PCDH15: variants seen among roughly 807,000 people sequenced by gnomAD.
The protein encoded by PCDH15 is protocadherin related 15, also known as protocadherin-15.
Under a neutral mutation model 178.5 loss-of-function variants are expected in PCDH15, and 129 were observed. That is an observed-to-expected ratio of 0.72 (90% confidence interval 0.63 to 0.84). PCDH15 has a LOEUF of 0.84. Ranked by LOEUF, PCDH15 falls within the 40% of genes least tolerant of loss-of-function variation. PCDH15 has a pLI of 0.00. For synonymous variants in PCDH15, 800 were observed against 732.0 expected (o/e 1.09, Z -1.50); for missense variants, 2,230 against 2,099.9 (o/e 1.06, Z -1.21).
At chr10:55,603,108 C>G (rs1313562691) in intron 2 of PCDH15, among the ~76,000 whole-genome samples, 1 of 151,536 alleles carries the variant, frequency 6.6e-6, no homozygotes, top group African/African-American at 2.4e-5. Context: ...CCTCAGGAGC[C>G]GAAGCAATCA....
At chr10:54,670,899 A>G (rs2094653175) in intron 1 of PCDH15, among the ~76,000 whole-genome samples, 1 of 152,134 alleles carries the variant, frequency 6.6e-6, no homozygotes, top group Non-Finnish European at 1.5e-5. Context: ...ATACATTTCA[A>G]GGTACTTTAG....
intron 18 of PCDH15, among the ~76,000 whole-genome samples, chr10:54,024,919 C>G (rs1338361197): frequency 6.6e-6 from 1 of 151,882 alleles, no homozygotes; most frequent in African/African-American, 2.4e-5. Context: ...AATTGTAAGC[C>G]AAGAACAAAA....
upstream of PCDH15, among the ~76,000 whole-genome samples, chr10:55,324,518 G>A (rs115233115): frequency 8.0e-3 from 1,221 of 151,968 alleles, 20 homozygotes; most frequent in African/African-American, 0.027. Context: ...AACGGTAAAG[G>A]CAAGAACTAA....
At chr10:55,176,068 C>T (rs539601566) in intron 1 of PCDH15, among the ~76,000 whole-genome samples, 24 of 152,100 alleles carry the variant, frequency 1.6e-4, no homozygotes, top group African/African-American at 4.6e-4. Context: ...CCAGCTCCGA[C>T]GACTCAGACC....
intron 3 of PCDH15, among the ~76,000 whole-genome samples, chr10:54,392,070 A>G (rs530270226): frequency 2.0e-5 from 3 of 152,298 alleles, no homozygotes; most frequent in South Asian, 4.1e-4. Flanking sequence ...ATCAACTTTT[A>G]GTTATATAAT....
chr10:55,376,718 T>C (rs537806653), intron 2 of PCDH15, among the ~76,000 whole-genome samples: 1 of 152,222 alleles, frequency 6.6e-6, no homozygotes, highest in South Asian at 2.1e-4. Flanking sequence ...TTTACTGTTG[T>C]TCTTGGAGAG....
intron 2 of PCDH15, among the ~76,000 whole-genome samples, chr10:55,447,680 A>G (rs552840208): frequency 6.6e-6 from 1 of 152,224 alleles, no homozygotes; most frequent in Admixed American, 6.6e-5. Context: ...TCAGGACTTA[A>G]AAAATAGTTG....
intron 25 of PCDH15, among the ~76,000 whole-genome samples, chr10:53,927,251 A>T (rs560038462): frequency 6.6e-6 from 1 of 152,254 alleles, no homozygotes; most frequent in East Asian, 1.9e-4. Flanking sequence ...AATGTTGTCA[A>T]AGATAATAAG....
intron 26 of PCDH15, 81 bp downstream of exon 26, chr10:53,903,162 A>T: frequency 6.6e-7 from 1 of 1,512,408 alleles, no homozygotes; most frequent in Non-Finnish European, 9.1e-7. Context: ...GTATGCAGTT[A>T]ATGCAAACTA....
intron 3 of PCDH15, among the ~76,000 whole-genome samples, chr10:54,502,693 T>C (rs1678040545): frequency 6.6e-6 from 1 of 152,112 alleles, no homozygotes; most frequent in African/African-American, 2.4e-5. Context: ...ATAGGTATTA[T>C]TTCCTCAATT....
chr10:54,459,239 C>A (rs528526610), intron 3 of PCDH15, among the ~76,000 whole-genome samples: 2 of 152,036 alleles, frequency 1.3e-5, no homozygotes, highest in African/African-American at 2.4e-5. Context: ...TGGACACCTG[C>A]GACAGGAACA....
At chr10:55,257,811 C>A (rs1323339122) in intron 1 of PCDH15, among the ~76,000 whole-genome samples, 4 of 152,038 alleles carry the variant, frequency 2.6e-5, no homozygotes, top group Non-Finnish European at 5.9e-5. Context: ...AGGATATTAT[C>A]CAGGAGAACT....
chr10:55,425,544 A>G (rs936881296), intron 2 of PCDH15, among the ~76,000 whole-genome samples: 60 of 152,198 alleles, frequency 3.9e-4, no homozygotes, highest in African/African-American at 1.4e-3. Flanking sequence ...AATTTTCCAC[A>G]AATTCTCAAG....
At chr10:55,178,629 G>T (rs879337878) in intron 1 of PCDH15, among the ~76,000 whole-genome samples, 16 of 152,138 alleles carry the variant, frequency 1.1e-4, no homozygotes, top group Non-Finnish European at 2.2e-4. Context: ...TTATACTAGA[G>T]TAAAGGCCTG....
chr10:54,301,833 C>A (rs1046669156), intron 8 of PCDH15, among the ~76,000 whole-genome samples: 3 of 152,130 alleles, frequency 2.0e-5, no homozygotes, highest in Non-Finnish European at 1.5e-5. Context: ...ACATGTAACA[C>A]TTCATAGCAC....
At chr10:54,055,110 A>AT (rs1031177258) in intron 18 of PCDH15, among the ~76,000 whole-genome samples, 1 of 152,082 alleles carries the variant, frequency 6.6e-6, no homozygotes, top group South Asian at 2.1e-4. Context: ...AGGAAACATC[A>AT]TTTTTTTAAT....
At position 54,960,024 on chromosome 10, in the gene PCDH15, T is replaced by G. The variant is rs536125457; in HGVS notation, c.-79-62524A>C. ...TGGTCTTTGAAAATTTGTAGTTTACTTCTTTTGACTCAAATTTGAAGCGTC... is the reference window on the plus strand; with the variant it reads ...TGGTCTTTGAAAATTTGTAGTTTACGTCTTTTGACTCAAATTTGAAGCGTC... On this transcript the variant is annotated intron_variant, in intron 2 of 5. Coordinates refer to the PCDH15 transcript ENST00000458638. Among the ~76,000 whole-genome samples, 78 of 152,162 alleles carry G rather than the reference T, an allele frequency of 5.1e-4. 1 individual carries two copies. The highest frequency in any genetic ancestry group is 6.2e-4 in the Non-Finnish European group (42 of 67,978).
At chr10:54,174,476 A>G (rs1009001558) in intron 13 of PCDH15, among the ~76,000 whole-genome samples, 1 of 152,048 alleles carries the variant, frequency 6.6e-6, no homozygotes, top group African/African-American at 2.4e-5. Flanking sequence ...CGGAGCTTGC[A>G]GTGAGCTGAG....
chr10:54,268,499 T>C (rs1295899784), intron 8 of PCDH15, among the ~76,000 whole-genome samples: 2 of 151,850 alleles, frequency 1.3e-5, no homozygotes, highest in East Asian at 1.9e-4. Context: ...AGCAAAGGCA[T>C]GGAATCAACA....
Sources: gnomAD v4.1 joint callset for allele counts (sites outside exome capture counted in the v4.1 genomes callset) on GRCh38, gnomAD v4.1.1 for gene constraint, MANE v1.5 for transcripts, NCBI Gene and HGNC (gene_info 2026-07-23, HGNC 2026-07-21) for gene names.